The following PACRG variants were observed in gnomAD, a reference collection of about 807,000 sequenced individuals.
PACRG encodes parkin coregulated.
A neutral mutation model predicts 29.7 loss-of-function variants in PACRG; 29 were observed. That is an observed-to-expected ratio of 0.98 (90% CI 0.73 to 1.33). The LOEUF is 1.33. Among genes scored for constraint, PACRG ranks in the 40% most tolerant of loss-of-function variants. The pLI is 0.00. For synonymous variants in PACRG, 116 were observed against 118.7 expected (o/e 0.98, Z 0.15); for missense variants, 279 against 316.2 (o/e 0.88, Z 0.89).
intron 4 of PACRG, among the ~76,000 whole-genome samples, chr6:163,297,612 A>G (rs6901924): frequency 0.061 from 9,241 of 152,210 alleles, 310 homozygotes; most frequent in Middle Eastern, 0.099. Flanking sequence ...AGAAATGCCA[A>G]CACAAGTTCA....
At chr6:162,730,199 G>A (rs1275559496) in intron 1 of PACRG, among the ~76,000 whole-genome samples, 1 of 151,694 alleles carries the variant, frequency 6.6e-6, no homozygotes, top group East Asian at 1.9e-4. Context: ...AAGAAGGCTG[G>A]ACAATACCGT....
At chr6:162,942,638 T>C (rs1219583812) in intron 2 of PACRG, among the ~76,000 whole-genome samples, 2 of 152,230 alleles carry the variant, frequency 1.3e-5, no homozygotes. Flanking sequence ...TTTTTGAACA[T>C]ATTTGTCATA....
At chr6:162,851,320 C>T (rs747998309) in intron 2 of PACRG, among the ~76,000 whole-genome samples, 16 of 152,166 alleles carry the variant, frequency 1.1e-4, no homozygotes, top group Non-Finnish European at 2.1e-4. Flanking sequence ...GTCTCTTCAC[C>T]CACACTATGA....
chr6:163,266,408 A>G lies in PACRG; in HGVS notation c.614-48419A>G, dbSNP rs115109830. 8.4e-3 allele frequency among the ~76,000 whole-genome samples: 1,282 copies of G among 152,318 alleles called. 20 individuals are homozygous for G. The highest frequency in any genetic ancestry group is 0.03 in the African/African-American group (1,246 of 41,572). ...GGATTTTACTGGCTTACTGTCCAGC[A>G]AGAGGACTTAGATTAAATTATTGGT... On this transcript the variant is annotated intron_variant, in intron 4 of 4. Coordinates refer to ENST00000366888, the MANE Select transcript of PACRG (RefSeq NM_001080379.2).
At chr6:163,086,641 T>C (rs1420781943) in intron 3 of PACRG, among the ~76,000 whole-genome samples, 1 of 152,092 alleles carries the variant, frequency 6.6e-6, no homozygotes, top group Non-Finnish European at 1.5e-5. Flanking sequence ...GGGGGATGAA[T>C]CTGACCACAT....
At chr6:162,990,544 A>G (rs1803361896) in intron 2 of PACRG, among the ~76,000 whole-genome samples, 1 of 120,052 alleles carries the variant, frequency 8.3e-6, no homozygotes, top group South Asian at 3.1e-4. Context: ...TTCTTTTGAG[A>G]AGTGTCTGTT....
intron 4 of PACRG, among the ~76,000 whole-genome samples, chr6:163,304,939 C>A (rs965098691): frequency 6.6e-6 from 1 of 152,200 alleles, no homozygotes; most frequent in Non-Finnish European, 1.5e-5. Flanking sequence ...CAGGGTAAAT[C>A]AGGAAGAGGA....
intron 2 of PACRG, among the ~76,000 whole-genome samples, chr6:162,937,755 A>G (rs1339304178): frequency 6.6e-6 from 1 of 152,196 alleles, no homozygotes; most frequent in Non-Finnish European, 1.5e-5. Context: ...CCCTGTAACA[A>G]TATTAACCAT....
intron 4 of PACRG, among the ~76,000 whole-genome samples, chr6:163,126,467 T>G (rs1410832007): frequency 6.6e-6 from 1 of 152,204 alleles, no homozygotes; most frequent in Non-Finnish European, 1.5e-5. Flanking sequence ...CAAGATTGTC[T>G]TTGGTATTTA....
intron 4 of PACRG, chr6:163,190,809 A>G: frequency 2.7e-6 from 1 of 370,376 alleles, no homozygotes; most frequent in South Asian, 2.1e-5. Context: ...AGATAAAGTC[A>G]GAAACAACTT....
chr6:162,865,360 A>G (rs1792208553), intron 2 of PACRG, among the ~76,000 whole-genome samples: 1 of 152,200 alleles, frequency 6.6e-6, no homozygotes. Flanking sequence ...GTCTTGCTGT[A>G]TTACCTGCTG....
At chr6:162,817,349 G>A (rs1787445358) in intron 2 of PACRG, among the ~76,000 whole-genome samples, 2 of 152,238 alleles carry the variant, frequency 1.3e-5, no homozygotes, top group Non-Finnish European at 2.9e-5. Context: ...AAGAGTTAGA[G>A]ACAGACAGAT....
chr6:162,798,898 C>G (rs1434881748), intron 1 of PACRG, among the ~76,000 whole-genome samples: 1 of 152,148 alleles, frequency 6.6e-6, no homozygotes, highest in Admixed American at 6.5e-5. Flanking sequence ...ATTTTAGTAT[C>G]TAACATATTT....
In PACRG at chr6:163,055,685, A is replaced by T. The variant is rs960160733; in HGVS notation, c.292-6465A>T. Among the ~76,000 whole-genome samples the T allele has an allele frequency of 1.3e-5, 2 of 152,144 alleles. No individual in the cohort carries two copies. The highest frequency in any genetic ancestry group is 2.9e-5 in the Non-Finnish European group (2 of 68,038). On this transcript the variant is annotated intron_variant, in intron 2 of 4. Coordinates refer to ENST00000366888, the MANE Select transcript of PACRG (RefSeq NM_001080379.2). The surrounding 1 kb of genome is among the most constrained non-coding windows in gnomAD (Gnocchi z 4.0). ...TTATTTTTTCTTTGGCATTTTTATCATTGTAAAATACACATAAAACTTACC... is the reference window on the plus strand; with the variant it reads ...TTATTTTTTCTTTGGCATTTTTATCTTTGTAAAATACACATAAAACTTACC...
chr6:163,023,247 C>A, intron 2 of PACRG, among the ~76,000 whole-genome samples: 1 of 152,116 alleles, frequency 6.6e-6, no homozygotes, highest in East Asian at 1.9e-4. Context: ...TCCAGTAGTC[C>A]TCAGTGTCTC....
At chr6:162,914,943 G>A (rs1289798692) in intron 2 of PACRG, among the ~76,000 whole-genome samples, 1 of 151,840 alleles carries the variant, frequency 6.6e-6, no homozygotes, top group Non-Finnish European at 1.5e-5. Context: ...TAGATTCCTT[G>A]AGATTTTTGT....
At chr6:162,868,462 C>T (rs529169587) in intron 2 of PACRG, among the ~76,000 whole-genome samples, 8 of 152,310 alleles carry the variant, frequency 5.3e-5, no homozygotes, top group African/African-American at 7.2e-5. Flanking sequence ...GGCCAGCCGC[C>T]GCAGCACAGT....
intron 2 of PACRG, among the ~76,000 whole-genome samples, chr6:162,847,884 G>A (rs759795918): frequency 3.3e-5 from 5 of 152,132 alleles, no homozygotes; most frequent in Non-Finnish European, 7.4e-5. Flanking sequence ...TCAAAGGCTA[G>A]TGAGAAGCCC....
chr6:162,982,481 A>C (rs1412784081), intron 2 of PACRG, among the ~76,000 whole-genome samples: 2 of 151,978 alleles, frequency 1.3e-5, no homozygotes, highest in South Asian at 2.1e-4. Flanking sequence ...GCTGTATCTC[A>C]GTGGTTTTCA....
Sources: allele counts gnomAD v4.1 joint callset (sites outside exome capture counted in the v4.1 genomes callset), GRCh38; gene constraint gnomAD v4.1.1; non-coding constraint Gnocchi (gnomAD v3.1); transcripts MANE v1.5; gene names NCBI Gene and HGNC (gene_info 2026-07-23, HGNC 2026-07-21).